ANKRD50: variants seen among roughly 807,000 people sequenced by gnomAD.
ANKRD50 encodes ankyrin repeat domain 50.
ANKRD50 carries 40 observed loss-of-function variants against 112.0 expected under a neutral mutation model. The ratio of observed to expected loss-of-function variants is 0.36; its 90% CI spans 0.28 to 0.46. ANKRD50 has a LOEUF of 0.46. ANKRD50 is among the 20% of genes least tolerant of loss of function. ANKRD50 has a pLI of 1.00. For missense variants in ANKRD50, 1,487 were observed against 1,701.7 expected (o/e 0.87, Z 2.22); for synonymous variants, 613 against 619.1 (o/e 0.99, Z 0.15).
rs754837414 is a variant in ANKRD50, at chr4:124,669,409, T to C, written c.3868A>G (p.Asn1290Asp). ...GSAGKKAKQS[N>D]SSQPKVLEYE... is the part of the protein sequence containing the mutation. ...TCTAAAACCTTTGGCTGTGAAGAATTACTTTGTTTCGCTTTTTTCCCAGCT... is the reference window on the plus strand; with the variant it reads ...TCTAAAACCTTTGGCTGTGAAGAATCACTTTGTTTCGCTTTTTTCCCAGCT... The change falls in exon 4 of 5, where the codon AAT (asparagine) becomes GAT (aspartate). Residue 1290 changes from asparagine to aspartate, a missense_variant. Around this residue, in one of 2 missense-constraint regions of ANKRD50, gnomAD observed 441 missense variants for 432.2 expected, o/e 1.02. Coordinates refer to ENST00000504087, the MANE Select transcript of ANKRD50 (RefSeq NM_020337.3). The C allele has an allele frequency of 6.2e-7, 1 of 1,613,324 alleles. No individual in the cohort carries two copies. Among genetic ancestry groups the C allele is most frequent in the East Asian group, 2.2e-5 (1 of 44,854 alleles).
At chr4:124,706,909 A>G (rs898410159) in intron 2 of ANKRD50, among the ~76,000 whole-genome samples, 1 of 152,058 alleles carries the variant, frequency 6.6e-6, no homozygotes, top group East Asian at 1.9e-4. Flanking sequence ...ATTGAATACT[A>G]TATTGAAAGT....
chr4:124,681,148 G>GA lies in ANKRD50; in HGVS notation c.513-2244dup, dbSNP rs151285425. Among the ~76,000 whole-genome samples the GA allele has an allele frequency of 3.3e-5, 5 of 151,094 alleles. No homozygotes were observed. The East Asian group carries it at 7.8e-4, about 24-fold the overall frequency. ...ATATGAGGCCAATGCTTAGAACTTA[G>GA]AAAAAAAAATCTCCATCCAGAACTA... On this transcript the variant is annotated intron_variant, in intron 2 of 4. Coordinates refer to ENST00000504087, the MANE Select transcript of ANKRD50 (RefSeq NM_020337.3).
At position 124,711,115 on chromosome 4, in the gene ANKRD50, TTA is replaced by T. The variant is rs1177336675; in HGVS notation, c.-606_-605del. ...GGCAACTGCCAGGAACTGTTTCAGATTATAGTCTCTTATGTGGCAGAAATGAC... is the reference window on the plus strand; with the variant it reads ...GGCAACTGCCAGGAACTGTTTCAGATTAGTCTCTTATGTGGCAGAAATGAC... On this transcript the variant is annotated 5_prime_UTR_variant, in exon 2 of 5. Transcript: ENST00000504087. 2 of 203,900 alleles carry T rather than the reference TTA, an allele frequency of 9.8e-6. No homozygotes were observed. Among genetic ancestry groups the T allele is most frequent in the African/African-American group, 4.6e-5 (2 of 43,634 alleles). The allele number at this position is 203,900 out of a possible 1,614,324, so 12.6% of individuals were successfully genotyped here. A position where few individuals can be genotyped will look rare whatever the true frequency, so the allele number is the denominator to read the frequency against.
At chr4:124,704,763 T>C (rs1297616372) in intron 2 of ANKRD50, among the ~76,000 whole-genome samples, 4 of 152,202 alleles carry the variant, frequency 2.6e-5, no homozygotes, top group Non-Finnish European at 5.9e-5. Context: ...AAGAAGCATA[T>C]GCCTAATAGG....
At chr4:124,693,910 A>C (rs1019639203) in intron 2 of ANKRD50, among the ~76,000 whole-genome samples, 4 of 152,190 alleles carry the variant, frequency 2.6e-5, no homozygotes, top group African/African-American at 9.6e-5. Flanking sequence ...TCTGCCTATC[A>C]CTTTATTAAC....
rs143538935 is a variant in ANKRD50 at position 124,671,930 on chromosome 4, T to C, written c.1347A>G (p.Pro449=). The C allele has an allele frequency of 8.7e-6, 14 of 1,613,824 alleles. No individual in the cohort carries two copies. In the African/African-American group the frequency reaches 1.3e-4, roughly 15 times the overall value. ...GCAATGCAAATTCTTGTGCTTCCAA[T>C]GGTGTTAAATTCTTGGCTTGACAGG... is the stretch of plus-strand genomic sequence containing the variant. ...SYTCQAKNLT[P]LEAQEFALHL... is the part of the protein sequence containing the mutation. Residue 449 remains proline, a synonymous_variant, in exon 4 of 5, where the codon CCA becomes CCG. Transcript: ENST00000504087.
intron 2 of ANKRD50, among the ~76,000 whole-genome samples, chr4:124,680,920 T>C (rs1265566371): frequency 1.3e-5 from 2 of 151,992 alleles, no homozygotes; most frequent in African/African-American, 4.8e-5. Context: ...CAGTGAAGTA[T>C]GGAAGAAAGA....
rs766687553 is a variant in ANKRD50, at chr4:124,669,176, A to G, written c.4101T>C (p.Tyr1367=). The G allele has an allele frequency of 4.3e-6, 7 of 1,613,540 alleles. No homozygotes were observed. The African/African-American group carries it at 8.0e-5, about 18-fold the overall frequency. ...GAAAAACCTGGTTGCTCTGAAGATG[A>G]TAATTTGGATTTGTCATTATTCCAT... ...KRNGIMTNPN[Y]HLQSNQVFLG... Residue 1367 remains tyrosine (Y), a synonymous_variant, in exon 4 of 5, where the codon TAT becomes TAC. Coordinates refer to ENST00000504087, the MANE Select transcript of ANKRD50 (RefSeq NM_020337.3).
Position 124,669,910 on chromosome 4 carries a change from A to C in ANKRD50, c.3367T>G (p.Ser1123Ala), listed in dbSNP as rs1730593461. 1.9e-6 allele frequency: 3 copies of C among 1,613,642 alleles called. No homozygotes were observed. Among genetic ancestry groups the C allele is most frequent in the Non-Finnish European group, 1.7e-6 (2 of 1,179,806 alleles). Residue 1123 changes from serine (S) to alanine (A), a missense_variant, in exon 4 of 5, where the codon TCA becomes GCA. Ser to Ala is a moderately conservative substitution (Grantham distance 99, BLOSUM62 1). Around this residue, in one of 2 missense-constraint regions of ANKRD50, gnomAD observed 441 missense variants for 432.2 expected, o/e 1.02. Transcript: ENST00000504087. The stretch of plus-strand genomic sequence containing the variant: ...AATGACTGCACTTTTGAAGACAATG[A>C]CTGTAGAGGTTTTTGCTCCATTGTG... ...VHTMEQKPLQ[S>A]LSSKVQSLTI...
intron 2 of ANKRD50, among the ~76,000 whole-genome samples, chr4:124,697,521 G>C (rs900556350): frequency 6.6e-6 from 1 of 152,164 alleles, no homozygotes; most frequent in African/African-American, 2.4e-5. Context: ...AAGTTATAAA[G>C]AGTGAGGTTG....
intron 3 of ANKRD50, among the ~76,000 whole-genome samples, chr4:124,677,220 G>T (rs558746096): frequency 2.0e-5 from 3 of 151,686 alleles, no homozygotes; most frequent in Non-Finnish European, 4.4e-5. Flanking sequence ...CCCAAAAAAA[G>T]AAGTAAATTT....
At position 124,710,563 on chromosome 4, in the gene ANKRD50, T is replaced by C; in HGVS notation, c.-52A>G. 6.5e-7 allele frequency: 1 copy of C among 1,528,792 alleles called. No individual in the cohort carries two copies. Among genetic ancestry groups the C allele is most frequent in the Non-Finnish European group, 8.8e-7 (1 of 1,136,972 alleles). The allele number at this position is 1,528,792 out of a possible 1,614,324, so 94.7% of individuals were successfully genotyped here. A position where few individuals can be genotyped will look rare whatever the true frequency, so the allele number is the denominator to read the frequency against. On this transcript the variant is annotated 5_prime_UTR_variant, in exon 2 of 5. Coordinates refer to ENST00000504087, the MANE Select transcript of ANKRD50 (RefSeq NM_020337.3). ...GAGTCTGGATACATCAACACAGGTC[T>C]TTCCATCCATTATGACATAACTTGT...
At chr4:124,678,124 C>T (rs962980282) in intron 3 of ANKRD50, among the ~76,000 whole-genome samples, 1 of 152,154 alleles carries the variant, frequency 6.6e-6, no homozygotes, top group African/African-American at 2.4e-5. Flanking sequence ...TAGAACTACT[C>T]AAAAGTTATA....
At chr4:124,700,878 T>C (rs1036041259) in intron 2 of ANKRD50, among the ~76,000 whole-genome samples, 1 of 152,186 alleles carries the variant, frequency 6.6e-6, no homozygotes, top group East Asian at 1.9e-4. Flanking sequence ...AGCTCAACTT[T>C]AAGCTTCTGT....
At chr4:124,694,136 G>A in intron 2 of ANKRD50, among the ~76,000 whole-genome samples, 1 of 152,010 alleles carries the variant, frequency 6.6e-6, no homozygotes. Context: ...CAAAAAACAG[G>A]CAATACAATT....
In ANKRD50 at chr4:124,670,151, A is replaced by G. The variant is rs779918695; in HGVS notation, c.3126T>C (p.Cys1042=). 1 of 1,612,090 alleles carries G rather than the reference A, an allele frequency of 6.2e-7. No homozygotes were observed. The highest frequency in any genetic ancestry group is 8.5e-7 in the Non-Finnish European group (1 of 1,179,418). Residue 1042 remains cysteine (C), a synonymous_variant, in exon 4 of 5, where the codon TGT becomes TGC. Coordinates refer to ENST00000504087, the MANE Select transcript of ANKRD50 (RefSeq NM_020337.3). The part of the protein sequence containing the change: ...IEHGAVVDHT[C]NQGATALCIA... Reference sequence around the variant, plus strand: ...TACAGAGTGCAGTTGCACCTTGGTTACATGTATGGTCAACTACAGCACCAT... The same window carrying G: ...TACAGAGTGCAGTTGCACCTTGGTTGCATGTATGGTCAACTACAGCACCAT...
chr4:124,703,666 AG>A (rs1347662686), intron 2 of ANKRD50, among the ~76,000 whole-genome samples: 2 of 149,404 alleles, frequency 1.3e-5, no homozygotes, highest in African/African-American at 5.0e-5. Context: ...CAAAATTTCC[AG>A]GTTTTTTTTT....
At chr4:124,668,307 G>A (rs74957360) in intron 4 of ANKRD50, among the ~76,000 whole-genome samples, 332 of 151,970 alleles carry the variant, frequency 2.2e-3, no homozygotes, top group African/African-American at 7.7e-3. Flanking sequence ...CATTTTTCAC[G>A]TCTATGCCTT....
chr4:124,693,803 T>C (rs935838112), intron 2 of ANKRD50, among the ~76,000 whole-genome samples: 1 of 152,162 alleles, frequency 6.6e-6, no homozygotes, highest in Non-Finnish European at 1.5e-5. Context: ...TACGTTTTGA[T>C]GATAATTTCA....
Sources: gnomAD v4.1 joint callset for allele counts (sites outside exome capture counted in the v4.1 genomes callset) on GRCh38, gnomAD v4.1.1 for gene constraint, gnomAD v4.1.1 regional missense constraint, MANE v1.5 for transcripts, NCBI Gene and HGNC (gene_info 2026-07-23, HGNC 2026-07-21) for gene names.